ADD3: variants seen among roughly 807,000 people sequenced by gnomAD.
ADD3 encodes the protein adducin 3, also known as gamma-adducin.
ADD3 carries 25 observed loss-of-function variants against 80.2 expected under a neutral mutation model. The observed-to-expected ratio is 0.31, with a 90% CI of 0.23 to 0.44. The LOEUF (loss-of-function observed/expected upper bound fraction) is 0.44, where lower values mean the gene tolerates loss of function less well. Among genes scored for constraint, ADD3 ranks in the 20% least tolerant of loss-of-function variants. ADD3 has a pLI of 1.00. For synonymous variants in ADD3, 284 were observed against 289.6 expected (o/e 0.98, Z 0.20); for missense variants, 829 against 847.5 (o/e 0.98, Z 0.27).
chr10:110,012,314 G>A (rs1385814601), intron 1 of ADD3, among the ~76,000 whole-genome samples: 1 of 152,194 alleles, frequency 6.6e-6, no homozygotes, highest in East Asian at 1.9e-4. Context: ...CAGTCTCAAA[G>A]TTCAAAATTG....
chr10:110,101,984 T>A (rs1733092979), intron 2 of ADD3, among the ~76,000 whole-genome samples: 1 of 152,172 alleles, frequency 6.6e-6, no homozygotes. Flanking sequence ...TCCTTGTGAA[T>A]TTAATCATAG....
chr10:110,003,292 G>C (rs1589681525), upstream of ADD3, among the ~76,000 whole-genome samples: 1 of 103,384 alleles, frequency 9.7e-6, no homozygotes, highest in East Asian at 4.1e-4. Context: ...GTTAAATTGG[G>C]AACAGTAAGG....
intron 1 of ADD3, among the ~76,000 whole-genome samples, chr10:110,022,564 A>T (rs1400415453): frequency 6.6e-6 from 1 of 152,224 alleles, no homozygotes; most frequent in Non-Finnish European, 1.5e-5. Context: ...TCTAGAAAAC[A>T]GTGGTCCATA....
At chr10:110,049,742 C>T (rs2133378450) in intron 1 of ADD3, among the ~76,000 whole-genome samples, 1 of 152,258 alleles carries the variant, frequency 6.6e-6, no homozygotes, top group East Asian at 1.9e-4. Flanking sequence ...AAAAAATTAG[C>T]TGGGCGTTGT....
At chr10:110,126,995 A>C (rs1461400855) in intron 12 of ADD3, among the ~76,000 whole-genome samples, 2 of 152,234 alleles carry the variant, frequency 1.3e-5, no homozygotes, top group Non-Finnish European at 2.9e-5. Flanking sequence ...GCCAATTATA[A>C]TTGTTCCCAA....
intron 3 of ADD3, among the ~76,000 whole-genome samples, chr10:110,115,513 G>C (rs769935754): frequency 6.6e-6 from 1 of 152,160 alleles, no homozygotes; most frequent in African/African-American, 2.4e-5. Context: ...TAATGTTTTT[G>C]TAGGGAAAAG....
Position 110,112,857 on chromosome 10 carries a change from G to A in ADD3, c.276G>A (p.Gln92=), listed in dbSNP as rs1488019151. ...ACCCAACTGGATTACTAGCATTACA[G>A]CAGATTGCAGATTACATCATGGCCA... ...GHNPTGLLAL[Q]QIADYIMANS... Residue 92 remains glutamine (Q), a synonymous_variant, in exon 3 of 15, where the codon CAG becomes CAA. Coordinates refer to ENST00000356080, the MANE Select transcript of ADD3 (RefSeq NM_016824.5). 1 of 1,614,106 alleles carries A rather than the reference G, an allele frequency of 6.2e-7. No individual in the cohort carries two copies. The highest frequency in any genetic ancestry group is 1.1e-5 in the South Asian group (1 of 91,076).
chr10:110,099,408 C>G (rs988913800), intron 1 of ADD3, among the ~76,000 whole-genome samples: 2 of 152,134 alleles, frequency 1.3e-5, no homozygotes, highest in African/African-American at 2.4e-5. Context: ...TTCTCCCTTC[C>G]GTTTCCTTCC....
intron 2 of ADD3, 33 bp from the exon 3 acceptor site, chr10:110,112,744 T>TG: frequency 1.9e-6 from 3 of 1,598,756 alleles, no homozygotes; most frequent in Non-Finnish European, 8.5e-7. Flanking sequence ...CATTCAGTCT[T>TG]GCTTGCTCAG....
chr10:110,043,391 A>C (rs1042436252), intron 1 of ADD3, among the ~76,000 whole-genome samples: 12 of 152,176 alleles, frequency 7.9e-5, no homozygotes, highest in African/African-American at 2.7e-4. Context: ...CTTTACTACG[A>C]AAGTTGCATT....
intron 1 of ADD3, among the ~76,000 whole-genome samples, chr10:110,018,598 T>C (rs1185984670): frequency 8.1e-6 from 1 of 124,002 alleles, no homozygotes; most frequent in Non-Finnish European, 1.8e-5. Context: ...AGAACAAGGG[T>C]GGACCTTGAA....
chr10:110,025,310 CT>C (rs1854157232), intron 1 of ADD3, among the ~76,000 whole-genome samples: 1 of 151,730 alleles, frequency 6.6e-6, no homozygotes, highest in Non-Finnish European at 1.5e-5. Context: ...ATAAATAATA[CT>C]TTTTAAATTT....
At chr10:110,042,226 C>T (rs1303683039) in intron 1 of ADD3, among the ~76,000 whole-genome samples, 1 of 152,110 alleles carries the variant, frequency 6.6e-6, no homozygotes, top group Non-Finnish European at 1.5e-5. Context: ...TAAACTAGTG[C>T]CACTTTAAGA....
intron 1 of ADD3, among the ~76,000 whole-genome samples, chr10:110,020,706 C>T (rs1853568995): frequency 6.6e-6 from 1 of 151,246 alleles, no homozygotes; most frequent in Non-Finnish European, 1.5e-5. Context: ...CTTAGGAGGT[C>T]AATGCAATAC....
At chr10:110,120,180 C>T (rs1441956313) in intron 8 of ADD3, among the ~76,000 whole-genome samples, 3 of 148,794 alleles carry the variant, frequency 2.0e-5, no homozygotes, top group Non-Finnish European at 4.5e-5. Flanking sequence ...CCCACCAACT[C>T]GTCATCTAGC....
chr10:110,069,107 A>G (rs1310961197), intron 1 of ADD3, among the ~76,000 whole-genome samples: 5 of 152,102 alleles, frequency 3.3e-5, no homozygotes, highest in Admixed American at 3.3e-4. Flanking sequence ...ATCTCAGTAT[A>G]ACATGGTTAA....
chr10:110,006,054 T>A (rs1366829765), upstream of ADD3: 3 of 214,266 alleles, frequency 1.4e-5, no homozygotes, highest in African/African-American at 4.7e-5. Flanking sequence ...CTGCAGTAGG[T>A]TTCTGTGCAG....
chr10:110,097,411 T>C (rs1848297886), intron 1 of ADD3, among the ~76,000 whole-genome samples: 1 of 152,206 alleles, frequency 6.6e-6, no homozygotes, highest in Non-Finnish European at 1.5e-5. Context: ...ATTTGTCTTA[T>C]ATTGGATTAA....
chr10:110,080,492 T>C (rs1845944044), intron 1 of ADD3, among the ~76,000 whole-genome samples: 2 of 152,224 alleles, frequency 1.3e-5, no homozygotes, highest in Non-Finnish European at 2.9e-5. Context: ...TTTAAGAATG[T>C]AAAAAAGGAA....
Sources: gnomAD v4.1 joint callset for allele counts (sites outside exome capture counted in the v4.1 genomes callset) on GRCh38, gnomAD v4.1.1 for gene constraint, MANE v1.5 for transcripts, NCBI Gene and HGNC (gene_info 2026-07-23, HGNC 2026-07-21) for gene names.